The following FAM111B variants were observed in gnomAD, a reference collection of about 807,000 sequenced individuals.
FAM111B encodes the protein serine protease FAM111B.
In FAM111B, 1 loss-of-function variant was observed where a neutral mutation model predicts 2.8. That is an observed-to-expected ratio of 0.36 (90% CI 0.13 to 1.70). The LOEUF is 1.70. Among genes scored for constraint, FAM111B ranks in the 40% most tolerant of loss-of-function variants. The pLI is 0.35. For missense variants in FAM111B, 882 were observed against 878.9 expected (o/e 1.00, Z -0.04); for synonymous variants, 297 against 295.6 (o/e 1.00, Z -0.05).
chr11:59,108,987 A>G (rs2135394212), intron 2 of FAM111B, among the ~76,000 whole-genome samples: 1 of 152,262 alleles, frequency 6.6e-6, no homozygotes, highest in South Asian at 2.1e-4. Context: ...TTTATTTATT[A>G]GGTGGGAGCA....
Position 59,126,353 on chromosome 11 carries a change from T to A in FAM111B, c.*51T>A, listed in dbSNP as rs1377524781. The A allele has an allele frequency of 1.4e-6, 2 of 1,429,026 alleles. No homozygotes were observed. Among genetic ancestry groups the A allele is most frequent in the African/African-American group, 1.4e-5 (1 of 69,874 alleles). 88.5% of individuals were successfully genotyped at this position (1,429,026 alleles called of 1,614,324 possible). ...TATGCCAATAATTCCTGGCAAAGAT[T>A]TCATGACAAAGACACTTAAAGCAAT... On this transcript the variant is annotated 3_prime_UTR_variant, in exon 4 of 4. Coordinates refer to ENST00000343597, the MANE Select transcript of FAM111B (RefSeq NM_198947.4).
rs1859677739 is a variant in FAM111B at position 59,107,302 on chromosome 11, T to A, written c.-132+6T>A. Reference sequence around the variant, plus strand: ...TGGACAGACTCTCCGGTTCTGTGAGTGGTTTTTCTTTTCCCGGGTCGGACC... The same window carrying A: ...TGGACAGACTCTCCGGTTCTGTGAGAGGTTTTTCTTTTCCCGGGTCGGACC... On this transcript the variant is annotated splice_donor_region_variant and intron_variant, in intron 1 of 3. Coordinates refer to ENST00000343597, the MANE Select transcript of FAM111B (RefSeq NM_198947.4). 6.6e-6 allele frequency: 1 copy of A among 152,246 alleles called. No individual in the cohort carries two copies. 9.4% of individuals were successfully genotyped at this position (152,246 alleles called of 1,614,324 possible).
intron 3 of FAM111B, among the ~76,000 whole-genome samples, chr11:59,114,175 C>T (rs1590888692): frequency 6.6e-6 from 1 of 152,212 alleles, no homozygotes; most frequent in South Asian, 2.1e-4. Flanking sequence ...GGTGAATGCA[C>T]AAGCCCTGAG....
chr11:59,112,748 A>G (rs1205454518), intron 3 of FAM111B, among the ~76,000 whole-genome samples: 1 of 152,200 alleles, frequency 6.6e-6, no homozygotes, highest in African/African-American at 2.4e-5. Flanking sequence ...ACTATGACTC[A>G]TGATTTGAGC....
rs1411937257 is a variant in FAM111B at position 59,127,339 on chromosome 11, C to T, written c.*1037C>T. On this transcript the variant is annotated 3_prime_UTR_variant, in exon 4 of 4. Transcript: ENST00000343597. ...CTGAACACAAAACCCTGGTGACATG[C>T]AGTTTACCTATATAACAAAACTGCA... 1 of 152,130 alleles carries T rather than the reference C, an allele frequency of 6.6e-6. No individual in the cohort carries two copies. The highest frequency in any genetic ancestry group is 1.5e-5 in the Non-Finnish European group (1 of 67,992). The allele number at this position is 152,130 out of a possible 1,614,324, so 9.4% of individuals were successfully genotyped here. A position where few individuals can be genotyped will look rare whatever the true frequency, so the allele number is the denominator to read the frequency against.
At chr11:59,116,063 T>C (rs1444725175) in intron 3 of FAM111B, among the ~76,000 whole-genome samples, 2 of 152,208 alleles carry the variant, frequency 1.3e-5, no homozygotes, top group East Asian at 3.8e-4. Flanking sequence ...AATCTCACTT[T>C]GGGAATGCTG....
At chr11:59,118,931 G>T (rs1859880622) in intron 3 of FAM111B, among the ~76,000 whole-genome samples, 2 of 151,994 alleles carry the variant, frequency 1.3e-5, no homozygotes, top group Admixed American at 1.3e-4. Flanking sequence ...TGTTTATATT[G>T]GTCTGTAGTT....
At position 59,109,782 on chromosome 11, in the gene FAM111B, G is replaced by A. The variant is rs192816731; in HGVS notation, c.81+76G>A. On this transcript the variant is annotated intron_variant, in intron 3 of 3. Transcript: ENST00000343597. ...TGCCATATGAGGATCTTGGAGATAA[G>A]TTCTTAAACAATGGTCGTTATAAGC... 11 of 931,252 alleles carry A rather than the reference G, an allele frequency of 1.2e-5. No homozygotes were observed. The East Asian group carries it at 2.9e-4, about 24-fold the overall frequency. The allele number at this position is 931,252 out of a possible 1,614,324, so 57.7% of individuals were successfully genotyped here.
intron 3 of FAM111B, among the ~76,000 whole-genome samples, chr11:59,114,022 T>C (rs190923945): frequency 1.3e-5 from 2 of 152,144 alleles, no homozygotes; most frequent in African/African-American, 2.4e-5. Flanking sequence ...AACAGACAAA[T>C]AGAAAGTTTT....
chr11:59,107,700 G>A (rs1229107099), intron 1 of FAM111B, among the ~76,000 whole-genome samples: 1 of 152,198 alleles, frequency 6.6e-6, no homozygotes, highest in Non-Finnish European at 1.5e-5. Flanking sequence ...TTTAGGGCAG[G>A]TAGTTGGAAA....
rs186628335 is a variant in FAM111B, at chr11:59,108,897, A to G, written c.-87+185A>G. ...AACTTTGGGTGCCAGAAATTTTTAC[A>G]TTCCTATCAATATTCTTGAGCTTTG... On this transcript the variant is annotated intron_variant, in intron 2 of 3. Transcript: ENST00000343597. Among the ~76,000 whole-genome samples, 331 of 152,294 alleles carry G rather than the reference A, an allele frequency of 2.2e-3. 1 individual carries two copies. Among genetic ancestry groups the G allele is most frequent in the South Asian group, 3.5e-3 (17 of 4,824 alleles).
Position 59,126,384 on chromosome 11 carries a change from C to A in FAM111B, c.*82C>A. ...ACAAAGACACTTAAAGCAATTGCAA[C>A]AAAAGTGAAAATTGGCAAATGAGAC... On this transcript the variant is annotated 3_prime_UTR_variant, in exon 4 of 4. Transcript: ENST00000343597. The A allele has an allele frequency of 8.2e-7, 1 of 1,213,376 alleles. No individual in the cohort carries two copies. The highest frequency in any genetic ancestry group is 1.1e-6 in the Non-Finnish European group (1 of 890,650). 75.2% of individuals were successfully genotyped at this position (1,213,376 alleles called of 1,614,324 possible). A position where few individuals can be genotyped will look rare whatever the true frequency, so the allele number is the denominator to read the frequency against.
At chr11:59,118,711 A>G (rs60795438) in intron 3 of FAM111B, among the ~76,000 whole-genome samples, 8,273 of 152,244 alleles carry the variant, frequency 0.054, 566 homozygotes, top group East Asian at 0.2. Context: ...TGTTCTTCAT[A>G]AGATTGAAGA....
intron 1 of FAM111B, among the ~76,000 whole-genome samples, chr11:59,107,641 T>C (rs1288612755): frequency 6.6e-6 from 1 of 152,174 alleles, no homozygotes; most frequent in Non-Finnish European, 1.5e-5. Flanking sequence ...GTAGGAGAGC[T>C]CCTGCTCAAA....
At chr11:59,115,844 T>C (rs1437643473) in intron 3 of FAM111B, among the ~76,000 whole-genome samples, 1 of 152,198 alleles carries the variant, frequency 6.6e-6, no homozygotes, top group Non-Finnish European at 1.5e-5. Flanking sequence ...ATGAGATTTA[T>C]GGTAGAATGC....
chr11:59,110,426 T>C (rs184563266), intron 3 of FAM111B, among the ~76,000 whole-genome samples: 1 of 152,218 alleles, frequency 6.6e-6, no homozygotes. Flanking sequence ...AGTCAAGGGG[T>C]ACAAAGTTTC....
rs1207547852 is a variant in FAM111B at position 59,124,452 on chromosome 11, G to T, written c.355G>T (p.Glu119Ter). ...CCTGAGTGCTAATGACTATTTCAGTGAAAGGATAAAGAATCAGTTTAATAA... is the reference window on the plus strand; with the variant it reads ...CCTGAGTGCTAATGACTATTTCAGTTAAAGGATAAAGAATCAGTTTAATAA... The part of the protein sequence containing the change: ...SALSANDYFS[E>*]RIKNQFNKNI... Residue 119 changes from glutamate (E) to a stop codon, truncating the protein, a stop_gained, in exon 4 of 4, where the codon GAA becomes TAA. Coordinates refer to ENST00000343597, the MANE Select transcript of FAM111B (RefSeq NM_198947.4). LOFTEE classifies it low-confidence loss of function (END_TRUNC). 6.2e-7 allele frequency: 1 copy of T among 1,613,616 alleles called. No homozygotes were observed. Among genetic ancestry groups the T allele is most frequent in the South Asian group, 1.1e-5 (1 of 91,064 alleles).
intron 3 of FAM111B, among the ~76,000 whole-genome samples, chr11:59,112,154 T>C (rs1403917437): frequency 6.6e-6 from 1 of 152,192 alleles, no homozygotes; most frequent in Non-Finnish European, 1.5e-5. Flanking sequence ...TAATTTCCTG[T>C]TCTCCCCACT....
chr11:59,126,460 C>A lies in FAM111B; in HGVS notation c.*158C>A, dbSNP rs1021404498. ...AGAAACTATCAACAGGGTAAACACA[C>A]AACCTACGGAATGGGAGAAAATATT... is the stretch of plus-strand genomic sequence containing the variant. On this transcript the variant is annotated 3_prime_UTR_variant, in exon 4 of 4. Transcript: ENST00000343597. 6 of 539,408 alleles carry A rather than the reference C, an allele frequency of 1.1e-5. No individual in the cohort carries two copies. The highest frequency in any genetic ancestry group is 3.7e-5 in the Admixed American group (1 of 26,968). The allele number at this position is 539,408 out of a possible 1,614,324, so 33.4% of individuals were successfully genotyped here. A position where few individuals can be genotyped will look rare whatever the true frequency, so the allele number is the denominator to read the frequency against.
Sources: gnomAD v4.1 joint callset for allele counts (sites outside exome capture counted in the v4.1 genomes callset) on GRCh38, gnomAD v4.1.1 for gene constraint, MANE v1.5 for transcripts, NCBI Gene and HGNC (gene_info 2026-07-23, HGNC 2026-07-21) for gene names.